Variants in FGF14 observed in about 807,000 individuals in gnomAD.
FGF14 encodes the protein fibroblast growth factor homologous factor 4.
In FGF14, 5 loss-of-function variants were observed where a neutral mutation model predicts 25.5. The observed-to-expected ratio is 0.20, with a 90% CI of 0.10 to 0.41. The LOEUF is 0.41. Ranked by LOEUF, FGF14 falls within the 10% of genes least tolerant of loss-of-function variation. FGF14 has a pLI of 1.00. For missense variants in FGF14, 222 were observed against 320.1 expected (o/e 0.69, Z 2.34); for synonymous variants, 138 against 118.3 (o/e 1.17, Z -1.08).
intron 1 of FGF14, among the ~76,000 whole-genome samples, chr13:101,897,652 G>A (rs2030898240): frequency 1.3e-5 from 2 of 152,094 alleles, no homozygotes; most frequent in African/African-American, 4.8e-5. Flanking sequence ...TTAACATTCT[G>A]GAAGGTGGTT....
chr13:101,981,646 AAAAC>A (rs1027342190), intron 1 of FGF14, among the ~76,000 whole-genome samples: 3 of 91,746 alleles, frequency 3.3e-5, no homozygotes, highest in African/African-American at 1.1e-4. Context: ...CCATAATTAA[AAAAC>A]AACAACAACA....
At chr13:101,805,808 C>T (rs1344023453) in intron 3 of FGF14, among the ~76,000 whole-genome samples, 1 of 151,966 alleles carries the variant, frequency 6.6e-6, no homozygotes, top group African/African-American at 2.4e-5. Flanking sequence ...AACTTCAATA[C>T]CACCCAAGTC....
At chr13:102,299,683 G>A (rs1293139898) in intron 1 of FGF14, 1 of 152,170 alleles carries the variant, frequency 6.6e-6, no homozygotes, top group Non-Finnish European at 1.5e-5. Flanking sequence ...CGGAAGCGAG[G>A]TCTCAGGATA....
intron 1 of FGF14, among the ~76,000 whole-genome samples, chr13:102,097,343 G>C (rs1057217538): frequency 5.3e-5 from 8 of 152,174 alleles, no homozygotes; most frequent in African/African-American, 1.7e-4. Context: ...CATTTGGTCA[G>C]AGACAGCGTT....
At position 101,802,713 on chromosome 13, in the gene FGF14, T is replaced by C. The variant is rs184747457; in HGVS notation, c.408+66012A>G. On this transcript the variant is annotated intron_variant, in intron 3 of 4. Coordinates refer to ENST00000376143, the MANE Select transcript of FGF14 (RefSeq NM_004115.4). ...AAAAATAAAAAGGCAATCTTGTGTT[T>C]TCTTCACACTGTGCACTTTGCTGTT... is the stretch of plus-strand genomic sequence containing the variant. 1.4e-4 allele frequency among the ~76,000 whole-genome samples: 22 copies of C among 152,332 alleles called. No individual in the cohort carries two copies. The East Asian group carries it at 4.0e-3, about 28-fold the overall frequency.
At chr13:101,796,408 G>A (rs1186919583) in intron 3 of FGF14, among the ~76,000 whole-genome samples, 2 of 151,898 alleles carry the variant, frequency 1.3e-5, no homozygotes, top group Admixed American at 6.6e-5. Flanking sequence ...TGTTGAGCCT[G>A]AGCATGCACT....
chr13:101,818,298 A>G (rs1193996382), intron 3 of FGF14, among the ~76,000 whole-genome samples: 3 of 152,250 alleles, frequency 2.0e-5, no homozygotes, highest in African/African-American at 7.2e-5. Flanking sequence ...TCTGATAAAG[A>G]AATCATTATC....
chr13:101,881,256 A>G (rs560049870), intron 1 of FGF14, among the ~76,000 whole-genome samples: 1 of 152,200 alleles, frequency 6.6e-6, no homozygotes, highest in South Asian at 2.1e-4. Context: ...TGGAACTCAG[A>G]AAAGCACTCT....
At chr13:102,085,521 T>A (rs1442767856) in intron 1 of FGF14, among the ~76,000 whole-genome samples, 1 of 152,062 alleles carries the variant, frequency 6.6e-6, no homozygotes, top group African/African-American at 2.4e-5. Context: ...ATTAAGAGAA[T>A]AAACAGTGGA....
At chr13:102,183,200 AAG>A (rs573358699) in intron 1 of FGF14, among the ~76,000 whole-genome samples, 1 of 152,312 alleles carries the variant, frequency 6.6e-6, no homozygotes, top group African/African-American at 2.4e-5. Flanking sequence ...CTATAAAAAA[AAG>A]ACTCACCTAT....
At chr13:102,256,749 T>C in intron 1 of FGF14, among the ~76,000 whole-genome samples, 1 of 152,188 alleles carries the variant, frequency 6.6e-6, no homozygotes, top group Non-Finnish European at 1.5e-5. Context: ...GCTTAACAAA[T>C]GGGTGACATT....
intron 1 of FGF14, among the ~76,000 whole-genome samples, chr13:102,332,593 C>T (rs1347313869): frequency 1.4e-5 from 2 of 143,200 alleles, no homozygotes; most frequent in African/African-American, 5.1e-5. Flanking sequence ...GCTTTACCAA[C>T]ATTTTTTTTT....
At chr13:101,843,080 T>C (rs1163836482) in intron 3 of FGF14, among the ~76,000 whole-genome samples, 2 of 152,094 alleles carry the variant, frequency 1.3e-5, no homozygotes, top group African/African-American at 2.4e-5. Context: ...ATAATACAGT[T>C]GCATCTCTAA....
intron 1 of FGF14, among the ~76,000 whole-genome samples, chr13:102,058,178 C>T (rs941920241): frequency 2.0e-5 from 3 of 152,152 alleles, no homozygotes; most frequent in Non-Finnish European, 2.9e-5. Flanking sequence ...ATGTCTCCTG[C>T]TTATATGGAT....
intron 3 of FGF14, among the ~76,000 whole-genome samples, chr13:101,817,090 C>G (rs572169398): frequency 7.2e-5 from 11 of 152,330 alleles, no homozygotes; most frequent in African/African-American, 2.6e-4. Flanking sequence ...ACAGAGCACA[C>G]TTGTTGGATT....
intron 1 of FGF14, among the ~76,000 whole-genome samples, chr13:102,102,289 T>C (rs1232534570): frequency 1.3e-5 from 2 of 152,158 alleles, no homozygotes; most frequent in African/African-American, 2.4e-5. Flanking sequence ...CAAGAAATCA[T>C]GAGTTTAGAA....
intron 1 of FGF14, among the ~76,000 whole-genome samples, chr13:102,218,587 C>T (rs563957628): frequency 5.3e-5 from 8 of 151,558 alleles, no homozygotes; most frequent in Non-Finnish European, 1.2e-4. Context: ...GATGGGGTTC[C>T]CATCATTGAA....
intron 1 of FGF14, among the ~76,000 whole-genome samples, chr13:102,021,141 G>A (rs1420140933): frequency 6.6e-6 from 1 of 151,982 alleles, no homozygotes; most frequent in Non-Finnish European, 1.5e-5. Context: ...AAGGCCGAGA[G>A]TAAAGGAGAT....
intron 1 of FGF14, among the ~76,000 whole-genome samples, chr13:102,298,147 C>T (rs1251403625): frequency 6.6e-6 from 1 of 152,008 alleles, no homozygotes; most frequent in Non-Finnish European, 1.5e-5. Flanking sequence ...TACATGTGTT[C>T]TCATGCCATA....
Sources: allele counts gnomAD v4.1 joint callset (sites outside exome capture counted in the v4.1 genomes callset), GRCh38; gene constraint gnomAD v4.1.1; transcripts MANE v1.5; gene names NCBI Gene and HGNC (gene_info 2026-07-23, HGNC 2026-07-21).